The following ERCC2 variants were observed in gnomAD, a reference collection of about 807,000 sequenced individuals.
ERCC2 encodes general transcription and DNA repair factor IIH helicase subunit XPD.
A neutral mutation model predicts 99.4 loss-of-function variants in ERCC2; 90 were observed. The ratio of observed to expected loss-of-function variants is 0.91; its 90% confidence interval spans 0.76 to 1.08. ERCC2 has a LOEUF of 1.08. Ranked by LOEUF, ERCC2 falls within the 50% of genes least tolerant of loss-of-function variation. ERCC2 has a pLI of 0.00. For synonymous variants in ERCC2, 497 were observed against 432.4 expected, an observed-to-expected ratio of 1.15 and a Z score of -1.85; for missense variants, 993 against 1,038.1, an observed-to-expected ratio of 0.96 and a Z score of 0.60.
In ERCC2 at chr19:45,353,139, C is replaced by T. The variant is rs147224585; in HGVS notation, c.1775G>A (p.Arg592His). Residue 592 changes from arginine (R) to histidine (H), a missense_variant, in exon 19 of 23, where the codon CGC (arginine) becomes CAC (histidine). Arg to His is a conservative substitution (Grantham distance 29, BLOSUM62 0). Around this residue, in one of 3 missense-constraint regions of ERCC2, gnomAD observed 909 missense variants for 930.8 expected, o/e 0.98. Transcript: ENST00000391945. Reference protein sequence around the residue: ...EKYQEACENGRGAILLSVARG... With the variant: ...EKYQEACENGHGAILLSVARG... ...GGCCACTGACAGCAGGATGGCCCCG[C>T]GGCCATTCTCGCAGGCCTGAGGTGG... 365 of 1,613,636 alleles carry T rather than the reference C, an allele frequency of 2.3e-4. 2 individuals carry two copies. Among genetic ancestry groups the T allele is most frequent in the Non-Finnish European group, 2.4e-4 (280 of 1,179,946 alleles).
intron 5 of ERCC2, among the ~76,000 whole-genome samples, chr19:45,366,077 T>A (rs577316650): frequency 6.6e-6 from 1 of 151,930 alleles, no homozygotes; most frequent in South Asian, 2.1e-4. Flanking sequence ...TCTCAAGCAA[T>A]CCTCCCACCT....
chr19:45,351,401 A>G lies in ERCC2; in HGVS notation c.*228T>C, dbSNP rs1282685106. 4 of 1,602,604 alleles carry G rather than the reference A, an allele frequency of 2.5e-6. No individual in the cohort carries two copies. Among genetic ancestry groups the G allele is most frequent in the Non-Finnish European group, 3.4e-6 (4 of 1,177,884 alleles). On this transcript the variant is annotated 3_prime_UTR_variant, in exon 23 of 23. Coordinates refer to ENST00000391945, the MANE Select transcript of ERCC2 (RefSeq NM_000400.4). ...GGCCGCAGCTTCTTGGGAACAGTGC[A>G]GGAGGGATGGGCTGGTGGGGTGAGA...
intron 22 of ERCC2, 101 bp downstream of exon 22, chr19:45,352,108 G>C (rs1971819440): frequency 6.7e-6 from 9 of 1,341,718 alleles, no homozygotes; most frequent in Non-Finnish European, 9.4e-6. Flanking sequence ...GAGGGCAGGA[G>C]GACAGGCAGG....
chr19:45,353,132 G>A lies in ERCC2; in HGVS notation c.1782C>T (p.Ala594=). 2 of 1,613,694 alleles carry A rather than the reference G, an allele frequency of 1.2e-6. No individual in the cohort carries two copies. The highest frequency in any genetic ancestry group is 1.1e-5 in the South Asian group (1 of 91,068). The change falls in exon 19 of 23, where the codon GCC becomes GCT. Residue 594 remains alanine (A), a synonymous_variant. Transcript: ENST00000391945. ...YQEACENGRG[A]ILLSVARGKV... ...TGCCCCGGGCCACTGACAGCAGGAT[G>A]GCCCCGCGGCCATTCTCGCAGGCCT... is the stretch of plus-strand genomic sequence containing the variant.
Position 45,351,469 on chromosome 19 carries a change from T to G in ERCC2, c.*160A>C. On this transcript the variant is annotated 3_prime_UTR_variant, in exon 23 of 23. Coordinates refer to ENST00000391945, the MANE Select transcript of ERCC2 (RefSeq NM_000400.4). ...TGGCCCCCCCTTGCCTCTGGGTACC[T>G]GGTGGATAGCTGCCTTCTCCTGCGA... is the stretch of plus-strand genomic sequence containing the variant. The G allele has an allele frequency of 6.3e-7, 1 of 1,584,970 alleles. No homozygotes were observed. The highest frequency in any genetic ancestry group is 8.5e-7 in the Non-Finnish European group (1 of 1,169,686).
intron 12 of ERCC2, among the ~76,000 whole-genome samples, chr19:45,359,142 GGGTCAGGGA>G (rs985688896): frequency 7.2e-5 from 11 of 152,116 alleles, no homozygotes; most frequent in African/African-American, 2.7e-4. Context: ...CTCAGCCTGG[GGGTCAGGGA>G]GGGCTTCCTG....
At chr19:45,370,470 C>T (rs2123320952) in intron 1 of ERCC2, 66 bp downstream of exon 1, 1 of 1,539,566 alleles carries the variant, frequency 6.5e-7, no homozygotes, top group South Asian at 1.2e-5. Flanking sequence ...GGCGCGCCCA[C>T]CGATGACCCC....
intron 12 of ERCC2, chr19:45,358,014 A>G (rs1161892811): frequency 2.0e-6 from 1 of 491,002 alleles, no homozygotes; most frequent in Non-Finnish European, 3.7e-6. Context: ...CAAAGCCAGG[A>G]GCCAGAGCCT....
intron 17 of ERCC2, among the ~76,000 whole-genome samples, chr19:45,354,019 C>T (rs1971926144): frequency 6.6e-6 from 1 of 152,222 alleles, no homozygotes; most frequent in Admixed American, 6.5e-5. Context: ...GTGGAAGCCG[C>T]CTATTGAAGC....
chr19:45,359,632 A>G (rs1972139646), intron 12 of ERCC2, among the ~76,000 whole-genome samples: 1 of 151,932 alleles, frequency 6.6e-6, no homozygotes, highest in Admixed American at 6.6e-5. Flanking sequence ...CACGCTCCCC[A>G]TATCCCAGCC....
At chr19:45,351,747 G>A (rs774627578) in intron 22 of ERCC2, 26 bp from the exon 23 acceptor site, 6 of 1,608,358 alleles carry the variant, frequency 3.7e-6, no homozygotes, top group Middle Eastern at 1.7e-4. Flanking sequence ...GAAAGGGAGA[G>A]GGGGGCACTG....
rs900221244 is a variant in ERCC2, at chr19:45,350,782, A to C, written c.*847T>G. The C allele has an allele frequency of 5.7e-6, 9 of 1,567,856 alleles. No individual in the cohort carries two copies. Among genetic ancestry groups the C allele is most frequent in the African/African-American group, 1.3e-5 (1 of 74,170 alleles). ...GATCAGGTCGGCAAAGAGCCCTGAC[A>C]TCAGCAGAATCCACAGCCCACCCCA... is the stretch of plus-strand genomic sequence containing the variant. On this transcript the variant is annotated 3_prime_UTR_variant, in exon 23 of 23. Coordinates refer to ENST00000391945, the MANE Select transcript of ERCC2 (RefSeq NM_000400.4).
At chr19:45,356,639 GTC>G (rs1419727283) in intron 15 of ERCC2, among the ~76,000 whole-genome samples, 1 of 152,080 alleles carries the variant, frequency 6.6e-6, no homozygotes, top group East Asian at 1.9e-4. Flanking sequence ...GTGAAACCCC[GTC>G]TCTACTAAAA....
At position 45,365,030 on chromosome 19, in the gene ERCC2, C is replaced by A; in HGVS notation, c.477+12G>T. On this transcript the variant is annotated intron_variant, in intron 6 of 22. Transcript: ENST00000391945. ...GTCCTGCCTCCCTCCCTCAGCCCTG[C>A]CCTCCAGTAACCTCATAGAATCGGC... The A allele has an allele frequency of 6.2e-7, 1 of 1,612,276 alleles. No homozygotes were observed. Among genetic ancestry groups the A allele is most frequent in the East Asian group, 2.2e-5 (1 of 44,860 alleles).
In ERCC2 at chr19:45,352,914, G is replaced by T. The variant is rs1419869125; in HGVS notation, c.1832-98C>A. On this transcript the variant is annotated intron_variant, in intron 19 of 22. Coordinates refer to ENST00000391945, the MANE Select transcript of ERCC2 (RefSeq NM_000400.4). ...CCAGGATGCTGTGTCTGAGTTGGGG[G>T]GAGAGGGTGTGTTCCCGCCGGGTGC... The T allele has an allele frequency of 7.7e-6, 10 of 1,303,948 alleles. No homozygotes were observed. The Admixed American group carries it at 1.1e-4, about 14-fold the overall frequency. 80.8% of individuals were successfully genotyped at this position (1,303,948 alleles called of 1,614,324 possible).
In ERCC2 at chr19:45,350,651, G is replaced by C; in HGVS notation, c.*978C>G. The C allele has an allele frequency of 1.2e-6, 2 of 1,613,502 alleles. No homozygotes were observed. Among genetic ancestry groups the C allele is most frequent in the Non-Finnish European group, 1.7e-6 (2 of 1,179,730 alleles). The stretch of plus-strand genomic sequence containing the variant: ...CCGGCCCCTCCCCAGGCCCTTCGCC[G>C]CAGCAGCTCACTCTCCAAGATCCGT... On this transcript the variant is annotated 3_prime_UTR_variant, in exon 23 of 23. Coordinates refer to ENST00000391945, the MANE Select transcript of ERCC2 (RefSeq NM_000400.4).
Position 45,364,184 on chromosome 19 carries a change from C to T in ERCC2, c.815+51G>A, listed in dbSNP as rs751889732. On this transcript the variant is annotated intron_variant, in intron 9 of 22. Coordinates refer to ENST00000391945, the MANE Select transcript of ERCC2 (RefSeq NM_000400.4). ...CCCTGGGGACAAGTCAGACAGGGGC[C>T]AGGGTCCCAGGGGCAGGGCGGGCAC... The T allele has an allele frequency of 5.6e-6, 9 of 1,611,466 alleles. No homozygotes were observed. The East Asian group carries it at 2.0e-4, about 36-fold the overall frequency.
rs1323729246 is a variant in ERCC2, at chr19:45,364,903, G to C, written c.529C>G (p.Leu177Val). Residue 177 changes from leucine to valine, a missense_variant, in exon 7 of 23, where the codon CTG becomes GTG. By Grantham distance (32) the Leu-to-Val change is conservative. Coordinates refer to ENST00000391945, the MANE Select transcript of ERCC2 (RefSeq NM_000400.4). Reference protein sequence around the residue: ...EVPLPAGIYNLDDLKALGRRQ... With the variant: ...EVPLPAGIYNVDDLKALGRRQ... ...CGCCCCAGGGCCTTCAGGTCATCCA[G>C]GTTGTAGATGCCAGCGGGGAGGGGC... is the stretch of plus-strand genomic sequence containing the variant. 6.2e-7 allele frequency: 1 copy of C among 1,614,164 alleles called. No homozygotes were observed. Among genetic ancestry groups the C allele is most frequent in the East Asian group, 2.2e-5 (1 of 44,874 alleles).
chr19:45,351,014 T>G lies in ERCC2; in HGVS notation c.*615A>C, dbSNP rs1831085570. 2.5e-6 allele frequency: 4 copies of G among 1,614,022 alleles called. No individual in the cohort carries two copies. Among genetic ancestry groups the G allele is most frequent in the Non-Finnish European group, 3.4e-6 (4 of 1,179,992 alleles). On this transcript the variant is annotated 3_prime_UTR_variant, in exon 23 of 23. Coordinates refer to ENST00000391945, the MANE Select transcript of ERCC2 (RefSeq NM_000400.4). ...TGGATGCTCCAAGGGCTCCTGGGACTCAGGTGAGGGGGACATCTGGGTCAA... is the reference window on the plus strand; with the variant it reads ...TGGATGCTCCAAGGGCTCCTGGGACGCAGGTGAGGGGGACATCTGGGTCAA...
Sources: gnomAD v4.1 joint callset for allele counts (sites outside exome capture counted in the v4.1 genomes callset) on GRCh38, gnomAD v4.1.1 for gene constraint, gnomAD v4.1.1 regional missense constraint, MANE v1.5 for transcripts, NCBI Gene and HGNC (gene_info 2026-07-23, HGNC 2026-07-21) for gene names.